SLC12A5: variants seen among roughly 807,000 people sequenced by gnomAD.
The protein encoded by SLC12A5 is K-Cl cotransporter 2.
SLC12A5 carries 18 observed loss-of-function variants against 124.0 expected under a neutral mutation model. The observed-to-expected ratio is 0.15, with a 90% CI of 0.10 to 0.22. The LOEUF (loss-of-function observed/expected upper bound fraction) is 0.22, where lower values mean the gene tolerates loss of function less well. Among genes scored for constraint, SLC12A5 ranks in the 10% least tolerant of loss-of-function variants. The pLI, the probability that SLC12A5 is intolerant of heterozygous loss-of-function variation, is 1.00. For missense variants in SLC12A5, 867 were observed against 1,478.7 expected, an observed-to-expected ratio of 0.59 and a Z score of 6.78; for synonymous variants, 589 against 568.0, an observed-to-expected ratio of 1.04 and a Z score of -0.53.
In SLC12A5 at chr20:46,049,701, C is replaced by A. The variant is rs1325111537; in HGVS notation, c.2092C>A (p.Leu698Met). The A allele has an allele frequency of 1.9e-6, 3 of 1,606,722 alleles. No homozygotes were observed. Among genetic ancestry groups the A allele is most frequent in the Non-Finnish European group, 2.5e-6 (3 of 1,177,060 alleles). Residue 698 changes from leucine to methionine, a missense_variant, in exon 17 of 26, where the codon CTG (leucine) becomes ATG (methionine). Leu to Met is a conservative substitution (Grantham distance 15). Transcript: ENST00000243964. ...HPQLLSLTSQ[L>M]KAGKGLTIVG... ...CCAGCTGCTCTCACTGACCTCCCAG[C>A]TGAAGGCGGGGAAGGGCCTGACCAT...
In SLC12A5 at chr20:46,046,425, A is replaced by C; in HGVS notation, c.1776A>C (p.Arg592=). The C allele has an allele frequency of 1.2e-6, 2 of 1,613,968 alleles. No homozygotes were observed. Among genetic ancestry groups the C allele is most frequent in the Non-Finnish European group, 1.7e-6 (2 of 1,179,996 alleles). Residue 592 remains arginine, a synonymous_variant, in exon 14 of 26, where the codon CGA becomes CGC. Coordinates refer to ENST00000243964, the MANE Select transcript of SLC12A5 (RefSeq NM_020708.5). ...CACCCAACTGGAGGCCACGCTTTCG[A>C]TATTACCACTGGTGGGTGCTCTGTC... ...LRTPNWRPRF[R]YYHWTLSFLG...
At chr20:46,050,683 G>A (rs1023233302) in intron 17 of SLC12A5, among the ~76,000 whole-genome samples, 21 of 152,338 alleles carry the variant, frequency 1.4e-4, no homozygotes, top group African/African-American at 5.1e-4. Context: ...GGCTGAGAAT[G>A]TGCAGTGCAC....
intron 21 of SLC12A5, among the ~76,000 whole-genome samples, chr20:46,055,420 A>T (rs990550415): frequency 2.6e-5 from 4 of 152,016 alleles, no homozygotes; most frequent in Non-Finnish European, 5.9e-5. Flanking sequence ...GATATAACTG[A>T]TGTGTGGGAG....
intron 17 of SLC12A5, among the ~76,000 whole-genome samples, chr20:46,050,790 C>T (rs531863915): frequency 4.7e-4 from 71 of 152,340 alleles, no homozygotes; most frequent in African/African-American, 1.7e-3. Flanking sequence ...AGAGCATACA[C>T]AGAAGGCTCT....
At position 46,043,613 on chromosome 20, in the gene SLC12A5, G is replaced by A. The variant is rs1347859225; in HGVS notation, c.1238-20G>A. The A allele has an allele frequency of 2.5e-6, 4 of 1,613,572 alleles. No homozygotes were observed. The African/African-American group carries it at 5.3e-5, about 22-fold the overall frequency. ...TCCTGTGGCCCTGGCTTGAGTCCTA[G>A]CTGCACTTCTGTTTTGCAGGGATCA... On this transcript the variant is annotated intron_variant, in intron 9 of 25. Transcript: ENST00000243964.
chr20:46,043,246 T>C lies in SLC12A5; in HGVS notation c.1160T>C (p.Met387Thr). Reference sequence around the variant, plus strand: ...CTGGCCGATGGCACTCCTATCGACATGGACCACCCTTATGTCTTCAGTGAT... The same window carrying C: ...CTGGCCGATGGCACTCCTATCGACACGGACCACCCTTATGTCTTCAGTGAT... ...VGLADGTPID[M>T]DHPYVFSDMT... is the part of the protein sequence containing the mutation. Residue 387 changes from methionine (M) to threonine (T), a missense_variant, in exon 9 of 26, where the codon ATG becomes ACG. Coordinates refer to ENST00000243964, the MANE Select transcript of SLC12A5 (RefSeq NM_020708.5). 1 of 1,614,082 alleles carries C rather than the reference T, an allele frequency of 6.2e-7. No individual in the cohort carries two copies. Among genetic ancestry groups the C allele is most frequent in the Non-Finnish European group, 8.5e-7 (1 of 1,179,988 alleles).
At chr20:46,054,645 C>G (rs2084674240) in intron 20 of SLC12A5, among the ~76,000 whole-genome samples, 1 of 152,230 alleles carries the variant, frequency 6.6e-6, no homozygotes, top group African/African-American at 2.4e-5. Flanking sequence ...AATTAATCCA[C>G]TCATTCATTA....
chr20:46,036,238 G>A (rs748201454), intron 4 of SLC12A5: 2 of 301,658 alleles, frequency 6.6e-6, no homozygotes, highest in Non-Finnish European at 1.2e-5. Flanking sequence ...CATTTTGGCA[G>A]GTCCAGACTC....
At position 46,035,876 on chromosome 20, in the gene SLC12A5, G is replaced by A; in HGVS notation, c.379G>A (p.Ala127Thr). Residue 127 changes from alanine (A) to threonine (T), a missense_variant, in exon 4 of 26, where the codon GCA (alanine) becomes ACA (threonine). By Grantham distance (58) the Ala-to-Thr change is moderately conservative. Coordinates refer to ENST00000243964, the MANE Select transcript of SLC12A5 (RefSeq NM_020708.5). ...FLRLTWVVGI[A>T]GIMESFCMVF... is the part of the protein sequence containing the mutation. ...GCGGCTCACCTGGGTGGTGGGCATT[G>A]CAGGCATCATGGAGTCCTTCTGCAT... 2 of 1,614,114 alleles carry A rather than the reference G, an allele frequency of 1.2e-6. No homozygotes were observed. The highest frequency in any genetic ancestry group is 8.5e-7 in the Non-Finnish European group (1 of 1,179,982).
At chr20:46,049,482 T>C (rs2084628358) in intron 16 of SLC12A5, 140 bp from the exon 17 acceptor site, 2 of 1,058,512 alleles carry the variant, frequency 1.9e-6, no homozygotes, top group African/African-American at 1.6e-5. Flanking sequence ...GGTAGATGAA[T>C]GGATGGGTGG....
At chr20:46,051,893 A>T in intron 18 of SLC12A5, 23 bp downstream of exon 18, 1 of 1,300,732 alleles carries the variant, frequency 7.7e-7, no homozygotes. Context: ...GGGGCTGGGG[A>T]CAGAAGAGGG....
chr20:46,026,866 C>A (rs1319793157), upstream of SLC12A5, among the ~76,000 whole-genome samples: 1 of 152,118 alleles, frequency 6.6e-6, no homozygotes, highest in Non-Finnish European at 1.5e-5. Flanking sequence ...AAAGAGGAAT[C>A]ACTCCTGCCT....
At chr20:46,050,658 C>T (rs1330432126) in intron 17 of SLC12A5, among the ~76,000 whole-genome samples, 1 of 152,190 alleles carries the variant, frequency 6.6e-6, no homozygotes, top group Non-Finnish European at 1.5e-5. Flanking sequence ...TGGTCAGTTC[C>T]ATTCAACACG....
chr20:46,022,637 G>T, intron 1 of SLC12A5: 1 of 393,634 alleles, frequency 2.5e-6, no homozygotes, highest in Non-Finnish European at 4.5e-6. Flanking sequence ...CGCTGATCCC[G>T]ACTCTTGGGG....
chr20:46,036,045 T>A lies in SLC12A5; in HGVS notation c.426+122T>A, dbSNP rs1217283517. ...TTTTTATAGGAACCACTGCTTATGATCTTTGAGAGTAAATTAGGCCTGACT... is the reference window on the plus strand; with the variant it reads ...TTTTTATAGGAACCACTGCTTATGAACTTTGAGAGTAAATTAGGCCTGACT... On this transcript the variant is annotated intron_variant, in intron 4 of 25. Coordinates refer to ENST00000243964, the MANE Select transcript of SLC12A5 (RefSeq NM_020708.5). The A allele has an allele frequency of 1.2e-4, 153 of 1,243,072 alleles. 3 individuals carry two copies. Among genetic ancestry groups the A allele is most frequent in the Non-Finnish European group, 4.3e-6 (4 of 921,502 alleles). 77.0% of individuals were successfully genotyped at this position (1,243,072 alleles called of 1,614,324 possible). A position where few individuals can be genotyped will look rare whatever the true frequency, so the allele number is the denominator to read the frequency against.
chr20:46,057,894 G>A lies in SLC12A5; in HGVS notation c.*289G>A. On this transcript the variant is annotated 3_prime_UTR_variant, in exon 26 of 26. Coordinates refer to ENST00000243964, the MANE Select transcript of SLC12A5 (RefSeq NM_020708.5). The surrounding 1 kb of genome is among the most constrained non-coding windows in gnomAD (Gnocchi z 7.1). ...GGAGGAGACGCTGCAATAAAGGTTG[G>A]GAGAAGGCGCGGAAAGGAGAGGAGC... 1 of 357,228 alleles carries A rather than the reference G, an allele frequency of 2.8e-6. No homozygotes were observed. Among genetic ancestry groups the A allele is most frequent in the Non-Finnish European group, 5.0e-6 (1 of 198,694 alleles). The allele number at this position is 357,228 out of a possible 1,614,324, so 22.1% of individuals were successfully genotyped here. A position where few individuals can be genotyped will look rare whatever the true frequency, so the allele number is the denominator to read the frequency against.
chr20:46,056,518 A>C lies in SLC12A5; in HGVS notation c.3064A>C (p.Ser1022Arg), dbSNP rs770611943. Reference protein sequence around the residue: ...KSVAEKNKGPSPVSSEGIKDF... With the variant: ...KSVAEKNKGPRPVSSEGIKDF... ...GGTGGCAGAGAAGAATAAGGGCCCCAGTCCTGTCTCCTCTGAGGGCATCAA... is the reference window on the plus strand; with the variant it reads ...GGTGGCAGAGAAGAATAAGGGCCCCCGTCCTGTCTCCTCTGAGGGCATCAA... The change falls in exon 23 of 26, where the codon AGT becomes CGT. Residue 1022 changes from serine (S) to arginine (R), a missense_variant. This residue lies in a region of SLC12A5 where 180 missense variants were observed against 243.6 expected (regional missense o/e 0.74). Coordinates refer to ENST00000243964, the MANE Select transcript of SLC12A5 (RefSeq NM_020708.5). The surrounding 1 kb of genome is among the most constrained non-coding windows in gnomAD (Gnocchi z 4.3). 2 of 1,614,210 alleles carry C rather than the reference A, an allele frequency of 1.2e-6. No individual in the cohort carries two copies. Among genetic ancestry groups the C allele is most frequent in the Non-Finnish European group, 1.7e-6 (2 of 1,180,016 alleles).
In SLC12A5 at chr20:46,053,226, G is replaced by A; in HGVS notation, c.2547+100G>A. On this transcript the variant is annotated intron_variant, in intron 19 of 25. Coordinates refer to ENST00000243964, the MANE Select transcript of SLC12A5 (RefSeq NM_020708.5). This position sits in a 1 kb window ranked among gnomAD's most constrained non-coding sequence, Gnocchi z 4.7. ...ACTGCAGGTCAGACTCAGGGGCTCT[G>A]GCCAGGGTCAGCTTCCGTGTCCTTC... 1 of 1,345,030 alleles carries A rather than the reference G, an allele frequency of 7.4e-7. No homozygotes were observed. The allele number at this position is 1,345,030 out of a possible 1,614,324, so 83.3% of individuals were successfully genotyped here. A position where few individuals can be genotyped will look rare whatever the true frequency, so the allele number is the denominator to read the frequency against.
At position 46,034,933 on chromosome 20, in the gene SLC12A5, C is replaced by A; in HGVS notation, c.53-15C>A. ...ACTGATTGGTTCCAGATCCCTGACC[C>A]CTCTCCCTTCTCAGGTGATGGCAAC... On this transcript the variant is annotated splice_polypyrimidine_tract_variant and intron_variant, in intron 1 of 25. Coordinates refer to ENST00000243964, the MANE Select transcript of SLC12A5 (RefSeq NM_020708.5). 1 of 1,613,084 alleles carries A rather than the reference C, an allele frequency of 6.2e-7. No individual in the cohort carries two copies. The highest frequency in any genetic ancestry group is 1.3e-5 in the African/African-American group (1 of 75,012).
Sources: gnomAD v4.1 joint callset for allele counts (sites outside exome capture counted in the v4.1 genomes callset) on GRCh38, gnomAD v4.1.1 for gene constraint, gnomAD v4.1.1 regional missense constraint, Gnocchi (gnomAD v3.1) non-coding constraint, MANE v1.5 for transcripts, NCBI Gene and HGNC (gene_info 2026-07-23, HGNC 2026-07-21) for gene names.